The following C8orf74 variants were observed in gnomAD, a reference collection of about 807,000 sequenced individuals.
The protein encoded by C8orf74 is uncharacterized protein C8orf74.
A neutral mutation model predicts 22.2 loss-of-function variants in C8orf74; 29 were observed. The observed-to-expected ratio is 1.31, with a 90% CI of 0.97 to 1.78. The LOEUF (loss-of-function observed/expected upper bound fraction) is 1.78. C8orf74 is among the 40% of genes most tolerant of loss of function. The pLI is 0.00. For synonymous variants in C8orf74, 255 were observed against 163.1 expected, an observed-to-expected ratio of 1.56 and a Z score of -4.30; for missense variants, 515 against 369.9, an observed-to-expected ratio of 1.39 and a Z score of -3.22.
intron 2 of C8orf74, among the ~76,000 whole-genome samples, chr8:10,680,789 A>G (rs2129056739): frequency 6.6e-6 from 1 of 152,252 alleles, no homozygotes; most frequent in East Asian, 1.9e-4. Flanking sequence ...CCAGGGGCAG[A>G]AAGAGCTGGC....
At chr8:10,685,941 T>G (rs577845845) in intron 2 of C8orf74, among the ~76,000 whole-genome samples, 1 of 152,170 alleles carries the variant, frequency 6.6e-6, no homozygotes, top group South Asian at 2.1e-4. Context: ...TGGTGACATG[T>G]GCCTGTAGTC....
At position 10,698,001 on chromosome 8, in the gene C8orf74, G is replaced by T. The variant is rs1392280760; in HGVS notation, c.644G>T (p.Arg215Ile). 2 of 1,478,618 alleles carry T rather than the reference G, an allele frequency of 1.4e-6. No individual in the cohort carries two copies. The highest frequency in any genetic ancestry group is 1.8e-6 in the Non-Finnish European group (2 of 1,117,514). The allele number at this position is 1,478,618 out of a possible 1,614,324, so 91.6% of individuals were successfully genotyped here. ...APAQPGQVLE[R>I]QELESLICQA... is the part of the protein sequence containing the mutation. ...GCGCAGCCCGGCCAGGTCCTGGAGA[G>T]ACAGGTGAGGCTCTGCCCCCCTGCC... The change falls in exon 3 of 4, where the codon AGA becomes ATA. Residue 215 changes from arginine to isoleucine, a missense_variant. Arg to Ile is a moderately conservative substitution (Grantham distance 97, BLOSUM62 -3). Coordinates refer to ENST00000304519, the MANE Select transcript of C8orf74 (RefSeq NM_001040032.2).
rs1216613826 is a variant in C8orf74, at chr8:10,700,476, T to A, written c.*5T>A. ...AAAGCGAAGGCAAGGAAGTAGAAGG[T>A]CCCGACTGCCACACGAGACTGACTG... On this transcript the variant is annotated 3_prime_UTR_variant, in exon 4 of 4. Coordinates refer to ENST00000304519, the MANE Select transcript of C8orf74 (RefSeq NM_001040032.2). 2 of 1,538,396 alleles carry A rather than the reference T, an allele frequency of 1.3e-6. No homozygotes were observed. Among genetic ancestry groups the A allele is most frequent in the East Asian group, 4.7e-5 (2 of 42,280 alleles).
chr8:10,690,365 G>A (rs573402522), intron 2 of C8orf74, among the ~76,000 whole-genome samples: 1 of 152,292 alleles, frequency 6.6e-6, no homozygotes, highest in South Asian at 2.1e-4. Context: ...GCAGCCAGGG[G>A]TGAAGGAGTT....
intron 2 of C8orf74, chr8:10,687,010 G>C (rs1799275072): frequency 2.3e-6 from 1 of 444,202 alleles, no homozygotes; most frequent in South Asian, 1.6e-5. Flanking sequence ...GCCAAGAAGG[G>C]ATTAGATTGA....
chr8:10,700,570 T>G lies in C8orf74; in HGVS notation c.*99T>G. 1.4e-6 allele frequency: 1 copy of G among 722,832 alleles called. No individual in the cohort carries two copies. 44.8% of individuals were successfully genotyped at this position (722,832 alleles called of 1,614,324 possible). On this transcript the variant is annotated 3_prime_UTR_variant, in exon 4 of 4. Transcript: ENST00000304519. Reference sequence around the variant, plus strand: ...TCAGCACCCACAGAGAGACTTCTTGTGATTAAAAGAAACAAACCCATGCCA... The same window carrying G: ...TCAGCACCCACAGAGAGACTTCTTGGGATTAAAAGAAACAAACCCATGCCA...
chr8:10,685,777 T>A (rs1169766020), intron 2 of C8orf74, among the ~76,000 whole-genome samples: 1 of 152,174 alleles, frequency 6.6e-6, no homozygotes, highest in Non-Finnish European at 1.5e-5. Flanking sequence ...AACTTAAAAA[T>A]AGTTATAATC....
chr8:10,677,512 G>A (rs550688308), intron 2 of C8orf74, among the ~76,000 whole-genome samples: 22 of 151,916 alleles, frequency 1.4e-4, no homozygotes, highest in Middle Eastern at 3.4e-3. Context: ...CCATATTTTA[G>A]TCTTCAGATG....
At chr8:10,686,815 C>T (rs1379851858) in intron 2 of C8orf74, 4 of 209,340 alleles carry the variant, frequency 1.9e-5, no homozygotes, top group African/African-American at 6.9e-5. Flanking sequence ...AGCACAAGGG[C>T]CTGTTGAGTT....
Position 10,690,984 on chromosome 8 carries a change from G to A in C8orf74, c.242-6615G>A, listed in dbSNP as rs536090114. On this transcript the variant is annotated intron_variant, in intron 2 of 3. Transcript: ENST00000304519. ...CTTGCAGGCACAGATCTGTCCGCCC[G>A]GCAGCCAGCGGCTTCTCCCTGAGAC... The A allele has an allele frequency of 1.2e-4, 55 of 455,146 alleles. No individual in the cohort carries two copies. In the East Asian group the frequency reaches 3.7e-3, roughly 31 times the overall value. The allele number at this position is 455,146 out of a possible 1,614,324, so 28.2% of individuals were successfully genotyped here.
chr8:10,692,435 G>C (rs766280252), intron 2 of C8orf74: 1 of 152,296 alleles, frequency 6.6e-6, no homozygotes, highest in Non-Finnish European at 1.5e-5. Context: ...TGCTCTGCCA[G>C]CCCAGCAGCC....
At chr8:10,682,302 G>C (rs936964048) in intron 2 of C8orf74, among the ~76,000 whole-genome samples, 22 of 152,218 alleles carry the variant, frequency 1.4e-4, no homozygotes, top group African/African-American at 5.3e-4. Context: ...GGACAAACGA[G>C]CAGCTCTCCT....
intron 2 of C8orf74, among the ~76,000 whole-genome samples, chr8:10,677,381 T>C (rs1016637247): frequency 7.9e-5 from 12 of 152,220 alleles, no homozygotes; most frequent in Admixed American, 6.5e-4. Context: ...CCTTTCATTA[T>C]TCTTTTTAAA....
intron 2 of C8orf74, among the ~76,000 whole-genome samples, chr8:10,695,317 T>G (rs1020270882): frequency 1.3e-5 from 2 of 152,088 alleles, no homozygotes; most frequent in Non-Finnish European, 2.9e-5. Context: ...ATCTCAGACC[T>G]CCAAACCCAG....
intron 2 of C8orf74, among the ~76,000 whole-genome samples, chr8:10,685,870 C>A (rs923862387): frequency 1.3e-5 from 2 of 152,106 alleles, no homozygotes; most frequent in Non-Finnish European, 2.9e-5. Flanking sequence ...GAGATTGAGA[C>A]CATCCTGGCT....
intron 2 of C8orf74, among the ~76,000 whole-genome samples, chr8:10,694,543 T>A (rs1268737366): frequency 6.6e-6 from 1 of 152,148 alleles, no homozygotes; most frequent in Non-Finnish European, 1.5e-5. Context: ...TGGGGAATAA[T>A]CAATTATGTA....
chr8:10,673,223 C>T (rs1231286442), intron 1 of C8orf74, among the ~76,000 whole-genome samples: 1 of 152,072 alleles, frequency 6.6e-6, no homozygotes, highest in Non-Finnish European at 1.5e-5. Context: ...AAGCAACACT[C>T]TTGCGTGTGG....
rs1375033493 is a variant in C8orf74, at chr8:10,700,332, A to T, written c.746A>T (p.Asp249Val). ...RQIQNTFAIL[D>V]LKLQKKTLNL... The stretch of plus-strand genomic sequence containing the variant: ...ATCCAGAACACATTCGCCATCTTGG[A>T]CCTGAAGCTTCAGAAGAAGACTCTG... Residue 249 changes from aspartate to valine, a missense_variant, in exon 4 of 4, where the codon GAC (aspartate) becomes GTC (valine). By Grantham distance (152) the Asp-to-Val change is radical. Transcript: ENST00000304519. 18 of 1,613,808 alleles carry T rather than the reference A, an allele frequency of 1.1e-5. No homozygotes were observed. The highest frequency in any genetic ancestry group is 1.5e-5 in the Non-Finnish European group (18 of 1,179,824).
At chr8:10,681,672 C>T (rs1046043077) in intron 2 of C8orf74, among the ~76,000 whole-genome samples, 6 of 152,248 alleles carry the variant, frequency 3.9e-5, no homozygotes, top group South Asian at 2.1e-4. Flanking sequence ...CTCTGTGCTG[C>T]TCCGCCCTTC....
Sources: allele counts gnomAD v4.1 joint callset (sites outside exome capture counted in the v4.1 genomes callset), GRCh38; gene constraint gnomAD v4.1.1; transcripts MANE v1.5; gene names NCBI Gene and HGNC (gene_info 2026-07-23, HGNC 2026-07-21).